The following VEPH1 variants were observed in gnomAD, a reference collection of about 807,000 sequenced individuals.
VEPH1 encodes ventricular zone expressed PH domain containing 1.
In VEPH1, 80 loss-of-function variants were observed where a neutral mutation model predicts 85.2. That is an observed-to-expected ratio of 0.94 (90% CI 0.78 to 1.13). The LOEUF (loss-of-function observed/expected upper bound fraction) is 1.13, where lower values mean the gene tolerates loss of function less well. Among genes scored for constraint, VEPH1 ranks in the 50% most tolerant of loss-of-function variants. The probability of loss-of-function intolerance (pLI) is 0.00; values close to 1 mark genes in which losing one functional copy is unlikely to be tolerated. For missense variants in VEPH1, 955 were observed against 980.5 expected (o/e 0.97, Z 0.35); for synonymous variants, 297 against 348.0 (o/e 0.85, Z 1.63).
At chr3:157,375,309 C>T (rs750703460) in intron 7 of VEPH1, among the ~76,000 whole-genome samples, 3 of 152,050 alleles carry the variant, frequency 2.0e-5, no homozygotes, top group Admixed American at 6.5e-5. Flanking sequence ...CAGTGAAGAG[C>T]GATTACTTTC....
chr3:157,402,243 C>T (rs968171753), intron 6 of VEPH1, among the ~76,000 whole-genome samples: 1 of 152,154 alleles, frequency 6.6e-6, no homozygotes, highest in Non-Finnish European at 1.5e-5. Flanking sequence ...CTCTATCACT[C>T]TCTTACCCCC....
intron 12 of VEPH1, among the ~76,000 whole-genome samples, chr3:157,273,645 A>T (rs1216314499): frequency 6.6e-6 from 1 of 152,190 alleles, no homozygotes; most frequent in Non-Finnish European, 1.5e-5. Flanking sequence ...GGTGGGAGAG[A>T]AGAGGCAAGA....
intron 9 of VEPH1, among the ~76,000 whole-genome samples, chr3:157,330,906 A>T (rs1722427935): frequency 6.6e-6 from 1 of 152,198 alleles, no homozygotes; most frequent in African/African-American, 2.4e-5. Context: ...ACAGTAAGCT[A>T]TGGGTCCTCA....
At chr3:157,492,614 G>T (rs1739318379) in intron 2 of VEPH1, among the ~76,000 whole-genome samples, 2 of 152,146 alleles carry the variant, frequency 1.3e-5, no homozygotes, top group South Asian at 4.1e-4. Context: ...ACAGAGGGTA[G>T]ACTCTTTTGA....
chr3:157,477,272 C>T (rs1433530399), intron 2 of VEPH1, among the ~76,000 whole-genome samples: 1 of 151,722 alleles, frequency 6.6e-6, no homozygotes, highest in Non-Finnish European at 1.5e-5. Context: ...ATCTTTAAAG[C>T]ACATCACTTC....
At chr3:157,453,674 G>A (rs1272446486) in intron 4 of VEPH1, among the ~76,000 whole-genome samples, 1 of 152,174 alleles carries the variant, frequency 6.6e-6, no homozygotes, top group Non-Finnish European at 1.5e-5. Context: ...ACCCCATGAT[G>A]ACTCCTCAGG....
chr3:157,441,186 A>C (rs73028088), intron 4 of VEPH1, among the ~76,000 whole-genome samples: 1 of 152,350 alleles, frequency 6.6e-6, no homozygotes, highest in African/African-American at 2.4e-5. Context: ...TCTATTAATA[A>C]GAGGCACTGT....
At position 157,260,477 on chromosome 3, in the gene VEPH1, T is replaced by C. The variant is rs893337178; in HGVS notation, c.*657A>G. 4.6e-5 allele frequency: 7 copies of C among 152,188 alleles called. No homozygotes were observed. Among genetic ancestry groups the C allele is most frequent in the African/African-American group, 1.7e-4 (7 of 41,460 alleles). The allele number at this position is 152,188 out of a possible 1,614,324, so 9.4% of individuals were successfully genotyped here. ...GCCTTGGGCAGGATATATGTCCAAG[T>C]ATCTAAACTGTAGATTATATTATAT... On this transcript the variant is annotated 3_prime_UTR_variant, in exon 14 of 14. Transcript: ENST00000362010.
chr3:157,435,199 A>G (rs980729549), intron 4 of VEPH1, among the ~76,000 whole-genome samples: 21 of 151,948 alleles, frequency 1.4e-4, no homozygotes, highest in African/African-American at 5.1e-4. Flanking sequence ...GTAGTTTTAA[A>G]CATATTTATT....
intron 11 of VEPH1, among the ~76,000 whole-genome samples, chr3:157,293,725 G>A (rs1362843903): frequency 1.3e-5 from 2 of 152,190 alleles, no homozygotes; most frequent in Admixed American, 1.3e-4. Context: ...TGTATGAGTT[G>A]AGTAGAAAAT....
At chr3:157,264,370 T>C (rs1490219446) in intron 13 of VEPH1, among the ~76,000 whole-genome samples, 1 of 152,176 alleles carries the variant, frequency 6.6e-6, no homozygotes, top group East Asian at 1.9e-4. Flanking sequence ...TTCCTGGTTC[T>C]CCAGCTTGCA....
intron 6 of VEPH1, among the ~76,000 whole-genome samples, chr3:157,385,239 A>C (rs1729174659): frequency 6.7e-6 from 1 of 149,760 alleles, no homozygotes; most frequent in Non-Finnish European, 1.5e-5. Flanking sequence ...AAAAAAAACT[A>C]AATGACCTAT....
chr3:157,498,469 T>C (rs1481758769), intron 1 of VEPH1, among the ~76,000 whole-genome samples: 3 of 152,198 alleles, frequency 2.0e-5, no homozygotes, highest in East Asian at 1.9e-4. Context: ...TTAATTCTTA[T>C]GACAATTCCA....
intron 12 of VEPH1, among the ~76,000 whole-genome samples, chr3:157,269,623 T>TG (rs1261722933): frequency 7.2e-6 from 1 of 138,148 alleles, no homozygotes. Context: ...TTTGTTTGTT[T>TG]TTTGTTTTTG....
chr3:157,344,367 A>T (rs1252804893), intron 9 of VEPH1, among the ~76,000 whole-genome samples: 1 of 152,222 alleles, frequency 6.6e-6, no homozygotes, highest in Non-Finnish European at 1.5e-5. Flanking sequence ...AATCACAAGC[A>T]TTCTTATACA....
At chr3:157,269,616 GTTT>G (rs1714236845) in intron 12 of VEPH1, among the ~76,000 whole-genome samples, 1 of 111,648 alleles carries the variant, frequency 9.0e-6, no homozygotes, top group African/African-American at 3.3e-5. Context: ...CTGTTTGTTT[GTTT>G]GTTTTTTGTT....
At chr3:157,276,271 T>C (rs1715372822) in intron 12 of VEPH1, among the ~76,000 whole-genome samples, 1 of 152,234 alleles carries the variant, frequency 6.6e-6, no homozygotes, top group Non-Finnish European at 1.5e-5. Flanking sequence ...GATGTACTGA[T>C]GCAAAAAAGC....
chr3:157,470,113 A>G (rs1217083056), intron 3 of VEPH1, among the ~76,000 whole-genome samples: 1 of 152,142 alleles, frequency 6.6e-6, no homozygotes, highest in African/African-American at 2.4e-5. Context: ...AATTCCCTAC[A>G]GTGTGTCTTG....
chr3:157,318,379 G>A (rs56313302), intron 9 of VEPH1, among the ~76,000 whole-genome samples: 33,926 of 152,092 alleles, frequency 0.22, 4,616 homozygotes, highest in Admixed American at 0.41. Context: ...AAGCCAAGGT[G>A]GGCGGATTGC....
Sources: allele counts gnomAD v4.1 joint callset (sites outside exome capture counted in the v4.1 genomes callset), GRCh38; gene constraint gnomAD v4.1.1; transcripts MANE v1.5; gene names NCBI Gene and HGNC (gene_info 2026-07-23, HGNC 2026-07-21).